ANKHD1: variants seen among roughly 807,000 people sequenced by gnomAD.
ANKHD1 encodes ankyrin repeat and KH domain containing 1.
ANKHD1 carries 31 observed loss-of-function variants against 230.5 expected under a neutral mutation model. That is an observed-to-expected ratio of 0.13 (90% confidence interval 0.10 to 0.18). The LOEUF (loss-of-function observed/expected upper bound fraction) is 0.18, where lower values mean the gene tolerates loss of function less well. Among genes scored for constraint, ANKHD1 ranks in the 10% least tolerant of loss-of-function variants. The pLI, the probability that ANKHD1 is intolerant of heterozygous loss-of-function variation, is 1.00. For missense variants in ANKHD1, 2,256 were observed against 3,071.3 expected (o/e 0.73, Z 6.27); for synonymous variants, 1,074 against 1,117.6 (o/e 0.96, Z 0.78).
intron 33 of ANKHD1, 40 bp from the exon 34 acceptor site, chr5:140,539,319 T>C (rs1754206194): frequency 6.2e-7 from 1 of 1,612,356 alleles, no homozygotes; most frequent in Admixed American, 1.7e-5. Flanking sequence ...TGTCTAAAGA[T>C]TCCTAATTAG....
intron 8 of ANKHD1, 42 bp from the exon 9 acceptor site, chr5:140,459,120 TAA>T: frequency 2.1e-6 from 3 of 1,427,142 alleles, no homozygotes; most frequent in Non-Finnish European, 2.8e-6. Flanking sequence ...ATCTTTATTA[TAA>T]GTCTCTTGCA....
chr5:140,526,841 G>T, intron 26 of ANKHD1, 87 bp from the exon 27 acceptor site: 1 of 1,455,566 alleles, frequency 6.9e-7, no homozygotes, highest in Non-Finnish European at 9.1e-7. Context: ...GAATATTTCA[G>T]CGTAACTCTG....
chr5:140,526,325 G>T lies in ANKHD1; in HGVS notation c.4822G>T (p.Gly1608Cys). The change falls in exon 26 of 34, where the codon GGT becomes TGT. Residue 1608 changes from glycine to cysteine, a missense_variant. Physicochemically the swap from Gly to Cys is radical, Grantham distance 159. Transcript: ENST00000360839. ...STDCNSESSS[G>C]GKSQELNFVM... is the part of the protein sequence containing the mutation. ...AGACTGCAACAGTGAGAGTAGCAGT[G>T]GTGGTAAAAGCCAAGAGTTAAATTT... 6.2e-7 allele frequency: 1 copy of T among 1,614,142 alleles called. No individual in the cohort carries two copies. The highest frequency in any genetic ancestry group is 1.6e-4 in the Middle Eastern group (1 of 6,062).
intron 30 of ANKHD1, 105 bp downstream of exon 30, chr5:140,535,643 A>C: frequency 1.5e-6 from 2 of 1,366,960 alleles, no homozygotes; most frequent in Non-Finnish European, 1.9e-6. Flanking sequence ...TAAGTGGTAT[A>C]CAGATGCCCA....
At chr5:140,526,492 G>T (rs1753610791) in intron 26 of ANKHD1, 49 bp downstream of exon 26, 1 of 1,543,162 alleles carries the variant, frequency 6.5e-7, no homozygotes, top group Non-Finnish European at 8.7e-7. Context: ...CCTTCTTCAT[G>T]CCTGGTACAA....
chr5:140,513,200 T>C (rs1752840579), intron 23 of ANKHD1, among the ~76,000 whole-genome samples, 163 bp from the exon 24 acceptor site: 1 of 152,168 alleles, frequency 6.6e-6, no homozygotes, highest in African/African-American at 2.4e-5. Flanking sequence ...TTTAGGGAAA[T>C]GGTGTCTTAT....
Position 140,512,103 on chromosome 5 carries a change from G to T in ANKHD1, c.4105-725G>T, listed in dbSNP as rs1371686429. Among the ~76,000 whole-genome samples the T allele has an allele frequency of 3.3e-5, 5 of 152,212 alleles. No individual in the cohort carries two copies. The South Asian group carries it at 1.0e-3, about 32-fold the overall frequency. On this transcript the variant is annotated intron_variant, in intron 22 of 33. Coordinates refer to ENST00000360839, the MANE Select transcript of ANKHD1 (RefSeq NM_017747.3). ...ATACAAAAATTAGCCAGGCGTGATG[G>T]TAGGCACCTGTAATCTCAGCTACTC... is the stretch of plus-strand genomic sequence containing the variant.
At chr5:140,433,972 A>T (rs1258218627) in intron 1 of ANKHD1, among the ~76,000 whole-genome samples, 1 of 152,052 alleles carries the variant, frequency 6.6e-6, no homozygotes, top group Non-Finnish European at 1.5e-5. Context: ...TATCTATTGG[A>T]TCTGGCATCT....
In ANKHD1 at chr5:140,507,039, AC is replaced by A; in HGVS notation, c.3551+64del. On this transcript the variant is annotated intron_variant, in intron 19 of 33. Transcript: ENST00000360839. The surrounding 1 kb of genome is among the most constrained non-coding windows in gnomAD (Gnocchi z 4.1). Reference sequence around the variant, plus strand: ...GTTACTACTTTGGACTTAAATGTCTACCTCTTAACGTTTAGACAGATACATT... The same window carrying A: ...GTTACTACTTTGGACTTAAATGTCTACTCTTAACGTTTAGACAGATACATT... The A allele has an allele frequency of 3.1e-6, 5 of 1,587,392 alleles. No individual in the cohort carries two copies. The highest frequency in any genetic ancestry group is 4.3e-6 in the Non-Finnish European group (5 of 1,170,216).
intron 1 of ANKHD1, 51 bp downstream of exon 1, chr5:140,402,324 T>C: frequency 7.0e-7 from 1 of 1,418,922 alleles, no homozygotes; most frequent in Non-Finnish European, 9.2e-7. Flanking sequence ...GTGAATTCTC[T>C]TTGGGTAGGC....
chr5:140,506,525 T>TA lies in ANKHD1; in HGVS notation c.3409-309dup, dbSNP rs1443799595. ...GCCAAATAAAAATTATCTTAATCCTTACATTTATTCGGATTGAATGAATCA... is the reference window on the plus strand; with the variant it reads ...GCCAAATAAAAATTATCTTAATCCTTAACATTTATTCGGATTGAATGAATCA... On this transcript the variant is annotated intron_variant, in intron 18 of 33. Coordinates refer to ENST00000360839, the MANE Select transcript of ANKHD1 (RefSeq NM_017747.3). This position sits in a 1 kb window ranked among gnomAD's most constrained non-coding sequence, Gnocchi z 4.7. 1.3e-5 allele frequency among the ~76,000 whole-genome samples: 2 copies of TA among 152,202 alleles called. No individual in the cohort carries two copies. Among genetic ancestry groups the TA allele is most frequent in the Non-Finnish European group, 2.9e-5 (2 of 68,026 alleles).
chr5:140,458,498 A>G (rs1031468964), intron 7 of ANKHD1, 127 bp from the exon 8 acceptor site: 6 of 923,866 alleles, frequency 6.5e-6, no homozygotes, highest in Admixed American at 2.9e-5. Flanking sequence ...TATGCTGTCT[A>G]TGCTGAATCT....
intron 7 of ANKHD1, among the ~76,000 whole-genome samples, chr5:140,456,946 T>G (rs1450247979): frequency 6.6e-6 from 1 of 152,078 alleles, no homozygotes; most frequent in Non-Finnish European, 1.5e-5. Context: ...GAAAATTTTT[T>G]CAATCTACTT....
chr5:140,471,203 T>C (rs1776468998), intron 10 of ANKHD1, among the ~76,000 whole-genome samples: 2 of 152,194 alleles, frequency 1.3e-5, no homozygotes, highest in Admixed American at 1.3e-4. Flanking sequence ...ATTTAGTTTC[T>C]TCTATTCTTC....
chr5:140,480,995 T>G (rs1402427986), intron 10 of ANKHD1, among the ~76,000 whole-genome samples: 1 of 152,024 alleles, frequency 6.6e-6, no homozygotes, highest in African/African-American at 2.4e-5. Context: ...AGTCAGGAAG[T>G]TCAGGGAGGT....
At chr5:140,402,577 TG>T (rs1471630080) in intron 1 of ANKHD1, among the ~76,000 whole-genome samples, 1 of 151,986 alleles carries the variant, frequency 6.6e-6, no homozygotes, top group East Asian at 1.9e-4. Context: ...GAGTTGGGGG[TG>T]GGGGGCGGGG....
chr5:140,529,648 C>T lies in ANKHD1; in HGVS notation c.6702C>T (p.Ser2234=). 7 of 1,614,206 alleles carry T rather than the reference C, an allele frequency of 4.3e-6. No individual in the cohort carries two copies. The highest frequency in any genetic ancestry group is 5.1e-6 in the Non-Finnish European group (6 of 1,180,050). The change falls in exon 29 of 34, where the codon TCC becomes TCT. Residue 2234 remains serine, a synonymous_variant. Transcript: ENST00000360839. The part of the protein sequence containing the change: ...ANQGWGDGPL[S]SRVATDASFT... Reference sequence around the variant, plus strand: ...AGGGCTGGGGAGATGGTCCACTGTCCTCACGAGTTGCTACAGATGCCTCTT... The same window carrying T: ...AGGGCTGGGGAGATGGTCCACTGTCTTCACGAGTTGCTACAGATGCCTCTT...
At chr5:140,492,391 T>G (rs772732978) in intron 14 of ANKHD1, among the ~76,000 whole-genome samples, 4 of 152,142 alleles carry the variant, frequency 2.6e-5, no homozygotes, top group Non-Finnish European at 4.4e-5. Context: ...ATGTGTCCTG[T>G]TAGTTTGGGA....
At chr5:140,409,333 A>G (rs1337471236) in intron 1 of ANKHD1, among the ~76,000 whole-genome samples, 1 of 152,190 alleles carries the variant, frequency 6.6e-6, no homozygotes, top group African/African-American at 2.4e-5. Flanking sequence ...CACTTAAAAT[A>G]TATTATTTTT....
Sources: gnomAD v4.1 joint callset for allele counts (sites outside exome capture counted in the v4.1 genomes callset) on GRCh38, gnomAD v4.1.1 for gene constraint, Gnocchi (gnomAD v3.1) non-coding constraint, MANE v1.5 for transcripts, NCBI Gene and HGNC (gene_info 2026-07-23, HGNC 2026-07-21) for gene names.